Variants in SLC9A9 observed in about 807,000 individuals in gnomAD.
The protein encoded by SLC9A9 is solute carrier family 9 member A9, also known as sodium/hydrogen exchanger 9.
In SLC9A9, 62 loss-of-function variants were observed where a neutral mutation model predicts 77.8. The ratio of observed to expected loss-of-function variants is 0.80; its 90% CI spans 0.65 to 0.98. The LOEUF is 0.98. Among genes scored for constraint, SLC9A9 ranks in the 50% least tolerant of loss-of-function variants. The pLI is 0.00. For missense variants in SLC9A9, 775 were observed against 774.9 expected (o/e 1.00, Z 0.00); for synonymous variants, 320 against 283.5 (o/e 1.13, Z -1.29).
chr3:143,536,929 A>G (rs1420910243), intron 9 of SLC9A9, among the ~76,000 whole-genome samples: 1 of 152,144 alleles, frequency 6.6e-6, no homozygotes, highest in South Asian at 2.1e-4. Context: ...AGCTGGAAAC[A>G]ATCCTGCTGC....
chr3:143,309,824 T>A (rs1331121242), intron 14 of SLC9A9, among the ~76,000 whole-genome samples: 1 of 152,072 alleles, frequency 6.6e-6, no homozygotes, highest in Non-Finnish European at 1.5e-5. Flanking sequence ...GTTATGTGCC[T>A]GGTGGTTGGA....
intron 12 of SLC9A9, among the ~76,000 whole-genome samples, chr3:143,392,701 G>A (rs370789392): frequency 1.3e-5 from 2 of 152,276 alleles, no homozygotes; most frequent in South Asian, 2.1e-4. Flanking sequence ...GTATTCAGGA[G>A]ACCCATCTCA....
intron 11 of SLC9A9, 79 bp from the exon 12 acceptor site, chr3:143,467,269 G>A: frequency 6.5e-7 from 1 of 1,531,142 alleles, no homozygotes; most frequent in South Asian, 1.2e-5. Context: ...TTTACAATTT[G>A]CTGACACAAT....
At chr3:143,721,476 C>T (rs941145502) in intron 4 of SLC9A9, among the ~76,000 whole-genome samples, 5 of 152,058 alleles carry the variant, frequency 3.3e-5, no homozygotes, top group East Asian at 1.9e-4. Flanking sequence ...TCTGAAATCT[C>T]GGTGGTGCCT....
chr3:143,591,248 T>A (rs535163903), intron 6 of SLC9A9, among the ~76,000 whole-genome samples: 151 of 152,346 alleles, frequency 9.9e-4, no homozygotes, highest in Non-Finnish European at 1.9e-3. Flanking sequence ...TCTGTATCCA[T>A]CTTCTTAGAG....
At chr3:143,784,340 C>T (rs1162295348) in intron 4 of SLC9A9, among the ~76,000 whole-genome samples, 2 of 152,062 alleles carry the variant, frequency 1.3e-5, no homozygotes, top group Non-Finnish European at 2.9e-5. Flanking sequence ...AAATATACCA[C>T]TTAAGTCAAA....
intron 6 of SLC9A9, among the ~76,000 whole-genome samples, chr3:143,617,402 C>A (rs182864905): frequency 6.6e-6 from 1 of 152,306 alleles, no homozygotes; most frequent in Admixed American, 6.5e-5. Flanking sequence ...TAGCCATTTA[C>A]ACGAAAACAT....
chr3:143,730,754 C>T lies in SLC9A9; in HGVS notation c.534-37447G>A, dbSNP rs577307921. On this transcript the variant is annotated intron_variant, in intron 4 of 15. Coordinates refer to ENST00000316549, the MANE Select transcript of SLC9A9 (RefSeq NM_173653.4). Reference sequence around the variant, plus strand: ...GAACATATTGCAAACACTTAGTAAGCAATAGATAAATGGATGGATTGATAA... The same window carrying T: ...GAACATATTGCAAACACTTAGTAAGTAATAGATAAATGGATGGATTGATAA... Among the ~76,000 whole-genome samples, 52 of 151,854 alleles carry T rather than the reference C, an allele frequency of 3.4e-4. No homozygotes were observed. In the South Asian group the frequency reaches 0.011, roughly 31 times the overall value.
chr3:143,454,871 C>T (rs767270093), intron 12 of SLC9A9, among the ~76,000 whole-genome samples: 3 of 152,250 alleles, frequency 2.0e-5, no homozygotes, highest in South Asian at 2.1e-4. Flanking sequence ...CACGTAGCCA[C>T]TTCCAACTTT....
intron 9 of SLC9A9, chr3:143,503,700 G>T: frequency 2.6e-6 from 1 of 382,894 alleles, no homozygotes; most frequent in South Asian, 2.0e-5. Flanking sequence ...ATGGTCTCCC[G>T]GAGCGGCCAC....
intron 9 of SLC9A9, among the ~76,000 whole-genome samples, chr3:143,502,715 T>C (rs1356184701): frequency 6.6e-6 from 1 of 152,150 alleles, no homozygotes; most frequent in African/African-American, 2.4e-5. Context: ...TTCATCTACT[T>C]GTCTATGAAA....
intron 5 of SLC9A9, among the ~76,000 whole-genome samples, chr3:143,662,941 C>T (rs893839212): frequency 1.3e-5 from 2 of 151,968 alleles, no homozygotes; most frequent in Non-Finnish European, 2.9e-5. Flanking sequence ...GACAGTGGTT[C>T]TCCCAGCACA....
chr3:143,285,874 G>A (rs948275330), intron 14 of SLC9A9, among the ~76,000 whole-genome samples: 11 of 152,194 alleles, frequency 7.2e-5, no homozygotes, highest in African/African-American at 2.2e-4. Flanking sequence ...GAGGACCATG[G>A]AACAGGAGCT....
chr3:143,832,728 G>A (rs1212243972), intron 1 of SLC9A9, among the ~76,000 whole-genome samples: 1 of 112,194 alleles, frequency 8.9e-6, no homozygotes, highest in Admixed American at 9.1e-5. Flanking sequence ...TTTTTTTTTT[G>A]CTGGCAGGTT....
At chr3:143,474,596 A>G (rs1048411976) in intron 11 of SLC9A9, among the ~76,000 whole-genome samples, 4 of 151,890 alleles carry the variant, frequency 2.6e-5, no homozygotes, top group Non-Finnish European at 5.9e-5. Context: ...CCAGGGGAAG[A>G]GCATGTCTGG....
At chr3:143,398,537 TGAAG>T (rs2033780688) in intron 12 of SLC9A9, among the ~76,000 whole-genome samples, 1 of 152,190 alleles carries the variant, frequency 6.6e-6, no homozygotes, top group Non-Finnish European at 1.5e-5. Context: ...GAAGAGGATC[TGAAG>T]TTATTGTAAC....
At chr3:143,804,835 C>G (rs1383320601) in intron 2 of SLC9A9, among the ~76,000 whole-genome samples, 3 of 152,198 alleles carry the variant, frequency 2.0e-5, no homozygotes, top group African/African-American at 7.2e-5. Flanking sequence ...CTTCCGTAGC[C>G]TGTCTAATGA....
At chr3:143,456,568 CT>C (rs71140437) in intron 12 of SLC9A9, among the ~76,000 whole-genome samples, 41,953 of 142,358 alleles carry the variant, frequency 0.29, 7,518 homozygotes, top group African/African-American at 0.53. Context: ...TTCTTTCTTT[CT>C]TTTTTTTTTT....
intron 12 of SLC9A9, among the ~76,000 whole-genome samples, chr3:143,430,853 A>G (rs1215048746): frequency 6.6e-6 from 1 of 152,110 alleles, no homozygotes; most frequent in Admixed American, 6.5e-5. Flanking sequence ...TTGCTTTCCC[A>G]ATTTAAAAAA....
Sources: gnomAD v4.1 joint callset for allele counts (sites outside exome capture counted in the v4.1 genomes callset) on GRCh38, gnomAD v4.1.1 for gene constraint, MANE v1.5 for transcripts, NCBI Gene and HGNC (gene_info 2026-07-23, HGNC 2026-07-21) for gene names.